Variants in ESRRB observed in about 807,000 individuals in gnomAD.
The protein encoded by ESRRB is steroid hormone receptor ERR2.
In ESRRB, 16 loss-of-function variants were observed where a neutral mutation model predicts 46.0. That is an observed-to-expected ratio of 0.35 (90% CI 0.24 to 0.53). ESRRB has a LOEUF of 0.53. Ranked by LOEUF, ESRRB falls within the 20% of genes least tolerant of loss-of-function variation. ESRRB has a pLI of 0.93. For missense variants in ESRRB, 488 were observed against 607.4 expected, an observed-to-expected ratio of 0.80 and a Z score of 2.07; for synonymous variants, 246 against 259.6, an observed-to-expected ratio of 0.95 and a Z score of 0.50.
chr14:76,333,688 C>G (rs533941098), intron 1 of ESRRB, among the ~76,000 whole-genome samples: 1 of 150,736 alleles, frequency 6.6e-6, no homozygotes, highest in Non-Finnish European at 1.5e-5. Context: ...TTTATTTAAC[C>G]CAATATATCA....
intron 1 of ESRRB, among the ~76,000 whole-genome samples, chr14:76,319,443 C>T (rs1437369431): frequency 6.6e-6 from 1 of 152,142 alleles, no homozygotes; most frequent in African/African-American, 2.4e-5. Flanking sequence ...TGTTTGTGCA[C>T]ACGTGTGCAC....
At chr14:76,398,779 C>T (rs1055574789) in intron 1 of ESRRB, among the ~76,000 whole-genome samples, 4 of 152,280 alleles carry the variant, frequency 2.6e-5, no homozygotes, top group African/African-American at 4.8e-5. Context: ...CCTCCTTTTA[C>T]AAGTGTTGAA....
rs757736226 is a variant in ESRRB at position 76,439,466 on chromosome 14, C to T, written c.176C>T (p.Ser59Leu). The part of the protein sequence containing the change: ...DALSHHSPSG[S>L]SDASGGFGLA... Reference sequence around the variant, plus strand: ...CTCAGCCACCACAGCCCCAGTGGCTCGTCCGACGCCAGCGGCGGCTTTGGC... The same window carrying T: ...CTCAGCCACCACAGCCCCAGTGGCTTGTCCGACGCCAGCGGCGGCTTTGGC... The change falls in exon 2 of 7, where the codon TCG (serine) becomes TTG (leucine). Residue 59 changes from serine (S) to leucine (L), a missense_variant. Physicochemically the swap from Ser to Leu is moderately radical, Grantham distance 145 (BLOSUM62 -2). Coordinates refer to ENST00000644823, the MANE Select transcript of ESRRB (RefSeq NM_001379180.1). The T allele has an allele frequency of 6.2e-6, 10 of 1,612,638 alleles. No individual in the cohort carries two copies. Among genetic ancestry groups the T allele is most frequent in the East Asian group, 2.2e-5 (1 of 44,868 alleles).
intron 5 of ESRRB, among the ~76,000 whole-genome samples, chr14:76,484,918 G>C (rs981837057): frequency 6.6e-6 from 1 of 152,200 alleles, no homozygotes; most frequent in African/African-American, 2.4e-5. Context: ...AGGATGTAGC[G>C]CGCTTAGTGT....
chr14:76,334,665 C>G (rs966280475), intron 1 of ESRRB, among the ~76,000 whole-genome samples: 3 of 152,128 alleles, frequency 2.0e-5, no homozygotes, highest in Non-Finnish European at 4.4e-5. Flanking sequence ...TGGCTGGCCC[C>G]GAAGACATTA....
At chr14:76,327,840 A>T (rs1390031978) in intron 1 of ESRRB, among the ~76,000 whole-genome samples, 1 of 151,488 alleles carries the variant, frequency 6.6e-6, no homozygotes, top group African/African-American at 2.4e-5. Flanking sequence ...AGTAACTGGG[A>T]TTATAGGCAC....
chr14:76,353,199 C>T (rs547542995), intron 1 of ESRRB, among the ~76,000 whole-genome samples: 4 of 152,312 alleles, frequency 2.6e-5, no homozygotes, highest in South Asian at 4.2e-4. Flanking sequence ...GAGGGCAGCA[C>T]CCCCTTATCT....
At chr14:76,332,826 ATT>A (rs376959244) in intron 1 of ESRRB, among the ~76,000 whole-genome samples, 1 of 11,528 alleles carries the variant, frequency 8.7e-5, no homozygotes, top group Non-Finnish European at 1.6e-4. Context: ...ATATTTATAT[ATT>A]TATATATTAT....
chr14:76,441,276 C>A (rs1297481076), intron 2 of ESRRB, among the ~76,000 whole-genome samples: 2 of 152,200 alleles, frequency 1.3e-5, no homozygotes, highest in Non-Finnish European at 2.9e-5. Context: ...ATGGTGGTGG[C>A]ACCCTCTTTC....
chr14:76,318,031 T>C (rs1259754492), intron 1 of ESRRB, among the ~76,000 whole-genome samples: 1 of 152,188 alleles, frequency 6.6e-6, no homozygotes, highest in African/African-American at 2.4e-5. Context: ...CTCTAGGGGT[T>C]AGTGGAAAAC....
Position 76,397,025 on chromosome 14 carries a change from G to A in ESRRB, c.50+20574G>A, listed in dbSNP as rs578094067. 1.4e-4 allele frequency among the ~76,000 whole-genome samples: 22 copies of A among 152,318 alleles called. No individual in the cohort carries two copies. The South Asian group carries it at 3.5e-3, about 24-fold the overall frequency. Reference sequence around the variant, plus strand: ...GCCGCCCGGGCACGGACTGACTCGGGAAAGGACATGAAAGGGGCCCTGGGC... The same window carrying A: ...GCCGCCCGGGCACGGACTGACTCGGAAAAGGACATGAAAGGGGCCCTGGGC... On this transcript the variant is annotated intron_variant, in intron 1 of 6. Coordinates refer to ENST00000644823, the MANE Select transcript of ESRRB (RefSeq NM_001379180.1).
chr14:76,312,183 T>C (rs1312115813), intron 1 of ESRRB, among the ~76,000 whole-genome samples: 1 of 152,108 alleles, frequency 6.6e-6, no homozygotes, highest in Non-Finnish European at 1.5e-5. Flanking sequence ...ACAAAGCAGA[T>C]ATGCCTGTAT....
At chr14:76,332,955 TACA>T (rs1884055632) in intron 1 of ESRRB, among the ~76,000 whole-genome samples, 2 of 32,292 alleles carry the variant, frequency 6.2e-5, no homozygotes, top group South Asian at 1.2e-3. Context: ...ATTATATATT[TACA>T]TTATATATAT....
rs1322603884 is a variant in ESRRB, at chr14:76,347,735, G to T, written c.2+36819G>T. Among the ~76,000 whole-genome samples the T allele has an allele frequency of 3.0e-5, 3 of 99,574 alleles. 1 individual carries two copies. Among genetic ancestry groups the T allele is most frequent in the African/African-American group, 1.1e-4 (3 of 27,864 alleles). 65.3% of individuals were successfully genotyped at this position (99,574 alleles called of 152,430 possible). On this transcript the variant is annotated intron_variant, in intron 1 of 6. Coordinates refer to the ESRRB transcript ENST00000512784. The stretch of plus-strand genomic sequence containing the variant: ...CAGTTCTGCCTGACCCCAAGGTCCA[G>T]AGCATCTCTATTACACTCACCTTGA...
At chr14:76,428,495 G>T (rs1354270809) in intron 1 of ESRRB, among the ~76,000 whole-genome samples, 1 of 152,158 alleles carries the variant, frequency 6.6e-6, no homozygotes, top group Admixed American at 6.5e-5. Context: ...GGTGGTCAGA[G>T]CCCAGAGCTG....
intron 1 of ESRRB, among the ~76,000 whole-genome samples, chr14:76,396,899 C>T (rs1052118916): frequency 2.0e-5 from 3 of 152,202 alleles, no homozygotes; most frequent in African/African-American, 4.8e-5. Context: ...GGAGCCAGGC[C>T]GAGGGAGTCG....
chr14:76,467,067 G>A (rs1317444359), intron 3 of ESRRB, among the ~76,000 whole-genome samples: 1 of 152,064 alleles, frequency 6.6e-6, no homozygotes, highest in Non-Finnish European at 1.5e-5. Flanking sequence ...TTTCTTCACT[G>A]TAAAACGGGG....
intron 3 of ESRRB, among the ~76,000 whole-genome samples, chr14:76,475,026 C>T (rs188896585): frequency 1.4e-4 from 21 of 151,694 alleles, no homozygotes; most frequent in African/African-American, 4.4e-4. Flanking sequence ...GTCAGGAGTT[C>T]GAGACCAGCC....
chr14:76,468,393 C>A (rs1566602865), intron 3 of ESRRB, among the ~76,000 whole-genome samples: 1 of 112,706 alleles, frequency 8.9e-6, no homozygotes, highest in Non-Finnish European at 1.8e-5. Context: ...ACACACTGCC[C>A]CCCCCCCAAC....
Sources: allele counts gnomAD v4.1 joint callset (sites outside exome capture counted in the v4.1 genomes callset), GRCh38; gene constraint gnomAD v4.1.1; transcripts MANE v1.5; gene names NCBI Gene and HGNC (gene_info 2026-07-23, HGNC 2026-07-21).